The following SAMMSON variants were observed in gnomAD, a reference collection of about 807,000 sequenced individuals.
SAMMSON encodes the protein survival associated mitochondrial melanoma specific oncogenic non-coding RNA.
At chr3:70,259,503 G>C (rs1041783733) in intron 6 of SAMMSON, among the ~76,000 whole-genome samples, 1 of 152,150 alleles carries the variant, frequency 6.6e-6, no homozygotes, top group Non-Finnish European at 1.5e-5. Context: ...CAGGGAGTCT[G>C]TCTGCTCTAT....
intron 4 of SAMMSON, among the ~76,000 whole-genome samples, chr3:70,167,511 C>T (rs188567153): frequency 6.6e-6 from 1 of 151,968 alleles, no homozygotes; most frequent in Non-Finnish European, 1.5e-5. Context: ...TTGAGCAATA[C>T]AGATCTAGTG....
chr3:70,100,768 GA>G (rs541367852), intron 4 of SAMMSON, among the ~76,000 whole-genome samples: 51 of 152,108 alleles, frequency 3.4e-4, no homozygotes, highest in African/African-American at 8.9e-4. Flanking sequence ...ACTAAGGGGG[GA>G]AAAAATCAAC....
intron 4 of SAMMSON, among the ~76,000 whole-genome samples, chr3:70,201,401 T>C (rs1701238049): frequency 6.6e-6 from 1 of 151,756 alleles, no homozygotes; most frequent in African/African-American, 2.4e-5. Context: ...AGCTGTGTAG[T>C]TCTCCATGGT....
rs561594732 is a variant in SAMMSON, at chr3:70,178,810, A to G, written n.508-70297A>G. Among the ~76,000 whole-genome samples, 3 of 152,242 alleles carry G rather than the reference A, an allele frequency of 2.0e-5. No homozygotes were observed. In the South Asian group the frequency reaches 6.2e-4, roughly 32 times the overall value. On this transcript the variant is annotated intron_variant and non_coding_transcript_variant, in intron 4 of 9. Coordinates refer to ENST00000642114, the Ensembl canonical transcript of SAMMSON. ...GAGCACTTGAAGCCAGGAGTTAGAG[A>G]CCAGCTTGGGCAAAATGGTGAAACC...
intron 7 of SAMMSON, among the ~76,000 whole-genome samples, chr3:70,315,957 G>C (rs1309501264): frequency 6.6e-6 from 1 of 152,058 alleles, no homozygotes; most frequent in African/African-American, 2.4e-5. Flanking sequence ...TTAATAACCA[G>C]GGATGTGGTC....
chr3:70,289,168 A>G (rs1176691442), intron 6 of SAMMSON, among the ~76,000 whole-genome samples: 1 of 148,914 alleles, frequency 6.7e-6, no homozygotes, highest in Admixed American at 6.7e-5. Context: ...TGGTCTTTAC[A>G]TTTTGGCATG....
chr3:70,337,013 A>T (rs1222735829), intron 7 of SAMMSON, among the ~76,000 whole-genome samples: 7 of 144,018 alleles, frequency 4.9e-5, no homozygotes, highest in Admixed American at 2.1e-4. Flanking sequence ...ATCTAACTTA[A>T]TATTATTATT....
At chr3:70,219,390 G>C (rs546051114) in intron 4 of SAMMSON, among the ~76,000 whole-genome samples, 1 of 152,218 alleles carries the variant, frequency 6.6e-6, no homozygotes, top group Non-Finnish European at 1.5e-5. Flanking sequence ...AAATTAGGCT[G>C]TTAAGTTTTT....
chr3:70,132,277 T>A (rs1342971553), intron 4 of SAMMSON, among the ~76,000 whole-genome samples: 1 of 152,204 alleles, frequency 6.6e-6, no homozygotes, highest in Non-Finnish European at 1.5e-5. Context: ...GGGATGGTTC[T>A]GGACAGTCTT....
intron 4 of SAMMSON, among the ~76,000 whole-genome samples, chr3:70,108,239 G>A (rs1332158393): frequency 6.6e-6 from 1 of 151,946 alleles, no homozygotes; most frequent in East Asian, 1.9e-4. Context: ...CAAGCCACAT[G>A]GCTCTAATAG....
At chr3:70,102,484 G>T (rs891558726) in intron 4 of SAMMSON, among the ~76,000 whole-genome samples, 1 of 152,168 alleles carries the variant, frequency 6.6e-6, no homozygotes, top group Non-Finnish European at 1.5e-5. Context: ...ATCCCACTTC[G>T]TAGTTGAATG....
upstream of SAMMSON, chr3:69,999,616 T>G (rs557529653): frequency 4.6e-4 from 70 of 152,196 alleles, no homozygotes; most frequent in African/African-American, 1.5e-3. Flanking sequence ...CCCCCATGGA[T>G]CTAGGTGAGG....
intron 7 of SAMMSON, among the ~76,000 whole-genome samples, chr3:70,297,487 A>G (rs1208640183): frequency 6.6e-6 from 1 of 152,140 alleles, no homozygotes; most frequent in African/African-American, 2.4e-5. Flanking sequence ...ACAAATTTAT[A>G]TAATCTCTGT....
intron 4 of SAMMSON, among the ~76,000 whole-genome samples, chr3:70,097,028 C>G (rs1383671775): frequency 1.3e-5 from 2 of 152,200 alleles, no homozygotes; most frequent in African/African-American, 4.8e-5. Flanking sequence ...TTGTTTTTCT[C>G]CCCTTGCAGA....
At chr3:70,196,482 C>A (rs1158129003) in intron 4 of SAMMSON, among the ~76,000 whole-genome samples, 1 of 152,080 alleles carries the variant, frequency 6.6e-6, no homozygotes, top group Non-Finnish European at 1.5e-5. Context: ...TAATAACCAA[C>A]AATGCATAAT....
chr3:70,323,225 G>T (rs1317073675), intron 7 of SAMMSON, among the ~76,000 whole-genome samples: 4 of 152,082 alleles, frequency 2.6e-5, no homozygotes, highest in Non-Finnish European at 5.9e-5. Context: ...TGAAGTTAAG[G>T]AAAATATAAA....
intron 4 of SAMMSON, among the ~76,000 whole-genome samples, chr3:70,086,242 A>G (rs7651561): frequency 0.79 from 119,860 of 152,056 alleles, 48,598 homozygotes; most frequent in Non-Finnish European, 0.89. Context: ...ATCACCAGGG[A>G]GTTATACCTG....
intron 3 of SAMMSON, among the ~76,000 whole-genome samples, chr3:70,018,187 G>A (rs909017920): frequency 6.6e-6 from 1 of 152,134 alleles, no homozygotes; most frequent in Non-Finnish European, 1.5e-5. Flanking sequence ...ACCTCTGATA[G>A]AATTCGGCTG....
chr3:70,384,397 T>G (rs1703103449), intron 9 of SAMMSON, among the ~76,000 whole-genome samples: 1 of 151,986 alleles, frequency 6.6e-6, no homozygotes, highest in Non-Finnish European at 1.5e-5. Flanking sequence ...TATAGAACAC[T>G]TTAGTTCTTA....
Sources: gnomAD v4.1 joint callset for allele counts (sites outside exome capture counted in the v4.1 genomes callset) on GRCh38, gnomAD v4.1.1 for gene constraint, MANE v1.5 for transcripts, NCBI Gene and HGNC (gene_info 2026-07-23, HGNC 2026-07-21) for gene names.